Variants in DMBT1 observed in about 807,000 individuals in gnomAD.
The protein encoded by DMBT1 is scavenger receptor cysteine-rich domain-containing protein DMBT1.
In DMBT1, 198 loss-of-function variants were observed where a neutral mutation model predicts 252.9. The observed-to-expected ratio is 0.78, with a 90% CI of 0.70 to 0.88. The LOEUF (loss-of-function observed/expected upper bound fraction) is 0.88, where lower values mean the gene tolerates loss of function less well. DMBT1 is among the 40% of genes least tolerant of loss of function. The probability of loss-of-function intolerance (pLI) is 0.00; values close to 1 mark genes in which losing one functional copy is unlikely to be tolerated. For synonymous variants in DMBT1, 990 were observed against 942.7 expected (o/e 1.05, Z -0.92); for missense variants, 2,432 against 2,404.7 (o/e 1.01, Z -0.24).
At chr10:122,618,412 C>G (rs983929315) in intron 41 of DMBT1, 72 bp downstream of exon 41, 7 of 1,609,240 alleles carry the variant, frequency 4.3e-6, no homozygotes, top group Non-Finnish European at 5.9e-6. Flanking sequence ...TAATTACATT[C>G]TGATCTCCTC....
At position 122,568,000 on chromosome 10, in the gene DMBT1, A is replaced by G. The variant is rs189409709; in HGVS notation, c.91+2004A>G. Among the ~76,000 whole-genome samples the G allele has an allele frequency of 5.3e-5, 8 of 152,336 alleles. No individual in the cohort carries two copies. In the East Asian group the frequency reaches 1.5e-3, roughly 29 times the overall value. ...TAAGCACTCCATCGATGCTGATTGA[A>G]TCAATGAATGTGGATGGACTAGAGA... On this transcript the variant is annotated intron_variant, in intron 2 of 55. Coordinates refer to ENST00000338354, the MANE Select transcript of DMBT1 (RefSeq NM_001377530.1).
Position 122,586,287 on chromosome 10 carries a change from T to C in DMBT1, c.1687T>C (p.Cys563Arg). 4 of 1,588,684 alleles carry C rather than the reference T, an allele frequency of 2.5e-6. 1 individual carries two copies. The highest frequency in any genetic ancestry group is 3.4e-6 in the Non-Finnish European group (4 of 1,165,854). Residue 563 changes from cysteine to arginine, a missense_variant, in exon 16 of 56, where the codon TGC becomes CGC. Around this residue, in one of 3 missense-constraint regions of DMBT1, gnomAD observed 1,264 missense variants for 1,082.2 expected, o/e 1.17. Transcript: ENST00000338354. The part of the protein sequence containing the change: ...SGPIVLDDVR[C>R]SGNESYLWSC... Reference sequence around the variant, plus strand: ...ACCCATTGTCCTGGATGACGTGCGCTGCTCAGGGAATGAGTCCTACTTGTG... The same window carrying C: ...ACCCATTGTCCTGGATGACGTGCGCCGCTCAGGGAATGAGTCCTACTTGTG...
chr10:122,589,315 C>T, intron 17 of DMBT1, 48 bp downstream of exon 17: 1 of 1,585,590 alleles, frequency 6.3e-7, no homozygotes, highest in South Asian at 1.2e-5. Context: ...AGATTTTGCC[C>T]AGGAAGAGAG....
chr10:122,600,687 G>T (rs1358416417), intron 27 of DMBT1, among the ~76,000 whole-genome samples: 1 of 152,178 alleles, frequency 6.6e-6, no homozygotes, highest in Non-Finnish European at 1.5e-5. Flanking sequence ...CCTCAGCAAT[G>T]GCGTCTGATG....
chr10:122,598,231 A>G (rs761112991), intron 25 of DMBT1, among the ~76,000 whole-genome samples: 2 of 152,048 alleles, frequency 1.3e-5, no homozygotes, highest in Non-Finnish European at 2.9e-5. Context: ...TCCTGTTCCA[A>G]GTGGTCAGGA....
At position 122,575,707 on chromosome 10, in the gene DMBT1, A is replaced by T. The variant is rs73359690; in HGVS notation, c.284-692A>T. 3.8e-3 allele frequency among the ~76,000 whole-genome samples: 573 copies of T among 152,236 alleles called. 2 individuals are homozygous for T. The highest frequency in any genetic ancestry group is 0.013 in the African/African-American group (551 of 41,546). ...CTCAGGAAAAATTTTAGGGAATGGG[A>T]TGGGAGGGAATGTTGTGAGTACACA... On this transcript the variant is annotated intron_variant, in intron 6 of 55. Transcript: ENST00000338354.
chr10:122,598,060 A>G (rs746784688), intron 25 of DMBT1, 48 bp downstream of exon 25: 27 of 1,612,256 alleles, frequency 1.7e-5, no homozygotes, highest in Non-Finnish European at 2.2e-5. Flanking sequence ...CTACCTCTGG[A>G]CAAATGTTTT....
chr10:122,631,666 G>A (rs972144107), intron 49 of DMBT1, among the ~76,000 whole-genome samples, 189 bp from the exon 50 acceptor site: 2 of 152,112 alleles, frequency 1.3e-5, no homozygotes, highest in East Asian at 3.9e-4. Flanking sequence ...ATGACCACAA[G>A]TATGACGGGA....
chr10:122,632,243 C>T (rs1245125121), intron 50 of DMBT1, among the ~76,000 whole-genome samples: 5 of 151,970 alleles, frequency 3.3e-5, no homozygotes, highest in Non-Finnish European at 7.4e-5. Context: ...GGCCCTGGCA[C>T]CTCTCCAACA....
intron 14 of DMBT1, 68 bp from the exon 15 acceptor site, chr10:122,585,203 A>T: frequency 6.4e-7 from 1 of 1,551,248 alleles, no homozygotes. Context: ...CCTTCTCCGG[A>T]GACTTTTCCT....
At chr10:122,588,198 C>T (rs985390462) in intron 16 of DMBT1, among the ~76,000 whole-genome samples, 5 of 148,458 alleles carry the variant, frequency 3.4e-5, no homozygotes, top group African/African-American at 1.2e-4. Flanking sequence ...AGGGCTCACT[C>T]TCTACTTCTG....
Position 122,584,798 on chromosome 10 carries a change from A to G in DMBT1, c.1420+447A>G, listed in dbSNP as rs930285678. ...ACACCTCCCTTCCTCACTCCTTCCA[A>G]CACCCAGATTCTGCAGCGCTACATG... On this transcript the variant is annotated intron_variant, in intron 14 of 55. Transcript: ENST00000338354. Among the ~76,000 whole-genome samples, 13 of 149,042 alleles carry G rather than the reference A, an allele frequency of 8.7e-5. 3 individuals are homozygous for G. Among genetic ancestry groups the G allele is most frequent in the Non-Finnish European group, 1.8e-4 (12 of 66,860 alleles).
chr10:122,565,835 G>T, intron 1 of DMBT1, 132 bp from the exon 2 acceptor site: 1 of 804,270 alleles, frequency 1.2e-6, no homozygotes, highest in Non-Finnish European at 2.1e-6. Flanking sequence ...AGAACGTCGG[G>T]GACACACAAA....
At position 122,586,307 on chromosome 10, in the gene DMBT1, C is replaced by G; in HGVS notation, c.1707C>G (p.Tyr569Ter). The change falls in exon 16 of 56, where the codon TAC (tyrosine) becomes TAG (stop). Residue 569 changes from tyrosine to a stop codon, truncating the protein, a stop_gained. Transcript: ENST00000338354. LOFTEE classifies it high-confidence loss of function. ...TGCGCTGCTCAGGGAATGAGTCCTA[C>G]TTGTGGAGCTGCCCCCACAATGGCT... Reference protein sequence around the residue: ...DDVRCSGNESYLWSCPHNGWL... With the variant: ...DDVRCSGNES 1 of 1,588,726 alleles carries G rather than the reference C, an allele frequency of 6.3e-7. No homozygotes were observed. Among genetic ancestry groups the G allele is most frequent in the Non-Finnish European group, 8.6e-7 (1 of 1,165,900 alleles).
At chr10:122,624,809 A>G (rs2098104157) in intron 44 of DMBT1, among the ~76,000 whole-genome samples, 1 of 152,236 alleles carries the variant, frequency 6.6e-6, no homozygotes. Flanking sequence ...GCTCTCCCAC[A>G]GCTGTCAGCA....
At chr10:122,580,831 G>A (rs772064387) in intron 10 of DMBT1, 35 bp from the exon 11 acceptor site, 15 of 1,613,662 alleles carry the variant, frequency 9.3e-6, no homozygotes, top group African/African-American at 8.0e-5. Flanking sequence ...TCTGTGTAAT[G>A]TTCCTGATCT....
At position 122,620,307 on chromosome 10, in the gene DMBT1, G is replaced by T. The variant is rs753948351; in HGVS notation, c.5284+16G>T. 2 of 1,613,678 alleles carry T rather than the reference G, an allele frequency of 1.2e-6. No individual in the cohort carries two copies. The highest frequency in any genetic ancestry group is 8.5e-7 in the Non-Finnish European group (1 of 1,179,704). On this transcript the variant is annotated intron_variant, in intron 43 of 55. Coordinates refer to ENST00000338354, the MANE Select transcript of DMBT1 (RefSeq NM_001377530.1). ...TTGACAGTAGGTAAATAATCCTCTC[G>T]CCCCTCCCTAGGGCTCACTCTCTAC... is the stretch of plus-strand genomic sequence containing the variant.
chr10:122,569,926 G>C (rs1377377146), intron 2 of DMBT1, among the ~76,000 whole-genome samples: 1 of 152,172 alleles, frequency 6.6e-6, no homozygotes, highest in South Asian at 2.1e-4. Flanking sequence ...AATACAGGTC[G>C]TGGCAGCAGA....
chr10:122,643,439 C>A lies in DMBT1; in HGVS notation c.*41C>A. The A allele has an allele frequency of 6.4e-7, 1 of 1,573,036 alleles. No individual in the cohort carries two copies. Among genetic ancestry groups the A allele is most frequent in the Non-Finnish European group, 8.6e-7 (1 of 1,157,722 alleles). Reference sequence around the variant, plus strand: ...CCCCACTGTCCACCGGGGCGCAGACCCCTGACTCGGGGACTTGGGATGTTC... The same window carrying A: ...CCCCACTGTCCACCGGGGCGCAGACACCTGACTCGGGGACTTGGGATGTTC... On this transcript the variant is annotated 3_prime_UTR_variant, in exon 56 of 56. Coordinates refer to ENST00000338354, the MANE Select transcript of DMBT1 (RefSeq NM_001377530.1).
Sources: allele counts gnomAD v4.1 joint callset (sites outside exome capture counted in the v4.1 genomes callset), GRCh38; gene constraint gnomAD v4.1.1; regional missense constraint gnomAD v4.1.1; transcripts MANE v1.5; gene names NCBI Gene and HGNC (gene_info 2026-07-23, HGNC 2026-07-21).